LRRC4C: variants seen among roughly 807,000 people sequenced by gnomAD.
LRRC4C encodes leucine rich repeat containing 4C.
Under a neutral mutation model 33.6 loss-of-function variants are expected in LRRC4C, and 5 were observed. That is an observed-to-expected ratio of 0.15 (90% CI 0.08 to 0.31). The LOEUF is 0.31. Ranked by LOEUF, LRRC4C falls within the 10% of genes least tolerant of loss-of-function variation. The pLI, the probability that LRRC4C is intolerant of heterozygous loss-of-function variation, is 1.00. For synonymous variants in LRRC4C, 329 were observed against 302.0 expected (o/e 1.09, Z -0.93); for missense variants, 560 against 796.7 (o/e 0.70, Z 3.58).
intron 3 of LRRC4C, among the ~76,000 whole-genome samples, chr11:40,451,402 T>TTG (rs1951879465): frequency 9.3e-6 from 1 of 107,076 alleles, no homozygotes; most frequent in Non-Finnish European, 1.9e-5. Flanking sequence ...TTTTTTTTTT[T>TTG]TGAGACAGAG....
rs186250548 is a variant in LRRC4C, at chr11:40,663,818, C to T, written c.-406-15540G>A. Among the ~76,000 whole-genome samples, 13 of 152,156 alleles carry T rather than the reference C, an allele frequency of 8.5e-5. 1 individual carries two copies. In the East Asian group the frequency reaches 1.5e-3, roughly 18 times the overall value. ...AACTAAAATGAAACATTAGACAATC[C>T]CATAATCACAGTGGAAGATTTTAAC... On this transcript the variant is annotated intron_variant, in intron 2 of 6. Coordinates refer to ENST00000528697, the MANE Select transcript of LRRC4C (RefSeq NM_001258419.2).
At chr11:40,472,124 CA>C (rs76552214) in intron 3 of LRRC4C, among the ~76,000 whole-genome samples, 44,639 of 151,398 alleles carry the variant, frequency 0.29, 8,240 homozygotes, top group East Asian at 0.57. Flanking sequence ...AAAAAAAATA[CA>C]AAAAATTAGC....
At chr11:40,310,172 A>G (rs1476586888) in intron 4 of LRRC4C, among the ~76,000 whole-genome samples, 1 of 152,146 alleles carries the variant, frequency 6.6e-6, no homozygotes, top group Non-Finnish European at 1.5e-5. Context: ...CATATTTTGA[A>G]GAGGGTAAAA....
chr11:40,424,067 T>G (rs1436143692), intron 3 of LRRC4C, among the ~76,000 whole-genome samples: 1 of 152,216 alleles, frequency 6.6e-6, no homozygotes, highest in Non-Finnish European at 1.5e-5. Flanking sequence ...GATGTCAGAC[T>G]ATGGTGGGCT....
intron 2 of LRRC4C, among the ~76,000 whole-genome samples, chr11:40,723,848 C>T (rs575288738): frequency 5.5e-4 from 84 of 152,300 alleles, no homozygotes; most frequent in African/African-American, 2.0e-3. Context: ...CAACCTTCTG[C>T]TGTCTTCAAC....
At chr11:40,669,158 G>A (rs1400094830) in intron 2 of LRRC4C, among the ~76,000 whole-genome samples, 1 of 152,110 alleles carries the variant, frequency 6.6e-6, no homozygotes, top group Non-Finnish European at 1.5e-5. Context: ...ATAAATGAAT[G>A]GGCCCCTTCT....
intron 2 of LRRC4C, among the ~76,000 whole-genome samples, chr11:40,902,041 CACACA>C: frequency 1.5e-5 from 2 of 136,384 alleles, no homozygotes; most frequent in African/African-American, 3.1e-5. Flanking sequence ...CACACACACA[CACACA>C]CCTCTTTTTG....
intron 1 of LRRC4C, among the ~76,000 whole-genome samples, chr11:41,432,299 A>C (rs898609558): frequency 6.6e-6 from 1 of 152,174 alleles, no homozygotes; most frequent in Non-Finnish European, 1.5e-5. Context: ...TTATTTGTAC[A>C]TTAAAATACA....
intron 3 of LRRC4C, among the ~76,000 whole-genome samples, chr11:40,430,098 T>C (rs1028350875): frequency 2.6e-5 from 4 of 152,150 alleles, no homozygotes; most frequent in Admixed American, 6.5e-5. Context: ...GAGCTTGGTA[T>C]CTCCAATTCC....
intron 1 of LRRC4C, among the ~76,000 whole-genome samples, chr11:41,166,187 T>G (rs1269359833): frequency 6.6e-6 from 1 of 152,052 alleles, no homozygotes; most frequent in Non-Finnish European, 1.5e-5. Context: ...CCATATTAAA[T>G]TGCATATTAA....
chr11:40,881,773 T>A (rs1955189584), intron 2 of LRRC4C, among the ~76,000 whole-genome samples: 1 of 152,050 alleles, frequency 6.6e-6, no homozygotes, highest in Non-Finnish European at 1.5e-5. Context: ...AGATTCCTAG[T>A]AAAATATCTC....
chr11:40,530,757 A>C (rs1043634804), intron 3 of LRRC4C, among the ~76,000 whole-genome samples: 13 of 152,174 alleles, frequency 8.5e-5, no homozygotes, highest in Non-Finnish European at 1.6e-4. Flanking sequence ...CATACAAAGT[A>C]AGAACTGGTA....
intron 1 of LRRC4C, among the ~76,000 whole-genome samples, chr11:41,013,143 C>G (rs186077636): frequency 1.7e-4 from 26 of 152,228 alleles, no homozygotes; most frequent in African/African-American, 5.1e-4. Flanking sequence ...CAGGAATTCA[C>G]GTAAGATTGC....
At chr11:40,863,934 T>C (rs1422744618) in intron 2 of LRRC4C, among the ~76,000 whole-genome samples, 1 of 151,466 alleles carries the variant, frequency 6.6e-6, no homozygotes, top group East Asian at 1.9e-4. Context: ...ACATTGCATG[T>C]TCTCCTTTTT....
chr11:40,696,632 G>T (rs1945549117), intron 2 of LRRC4C, among the ~76,000 whole-genome samples: 1 of 149,268 alleles, frequency 6.7e-6, no homozygotes, highest in South Asian at 2.1e-4. Flanking sequence ...TTAGGCTAAT[G>T]GGGACAGTCT....
At chr11:41,373,898 G>C (rs1227672593) in intron 1 of LRRC4C, among the ~76,000 whole-genome samples, 1 of 152,094 alleles carries the variant, frequency 6.6e-6, no homozygotes, top group African/African-American at 2.4e-5. Flanking sequence ...TATTGCTTTT[G>C]AATGTTGGAT....
At chr11:40,536,188 C>CT (rs372117384) in intron 3 of LRRC4C, among the ~76,000 whole-genome samples, 59 of 149,534 alleles carry the variant, frequency 3.9e-4, no homozygotes, top group South Asian at 3.2e-3. Context: ...TGAACAGCCT[C>CT]TTTTTTTTTT....
chr11:40,739,198 T>C (rs969951186), intron 2 of LRRC4C, among the ~76,000 whole-genome samples: 2 of 152,086 alleles, frequency 1.3e-5, no homozygotes, highest in African/African-American at 4.8e-5. Context: ...TACCCTTTAA[T>C]CACCATCTCC....
intron 2 of LRRC4C, among the ~76,000 whole-genome samples, chr11:40,764,051 T>C (rs929939883): frequency 2.0e-5 from 3 of 152,106 alleles, no homozygotes; most frequent in Non-Finnish European, 2.9e-5. Context: ...GGGGAGAGAC[T>C]CTTTCCTTCC....
Sources: allele counts gnomAD v4.1 joint callset (sites outside exome capture counted in the v4.1 genomes callset), GRCh38; gene constraint gnomAD v4.1.1; transcripts MANE v1.5; gene names NCBI Gene and HGNC (gene_info 2026-07-23, HGNC 2026-07-21).